The following IQUB variants were observed in gnomAD, a reference collection of about 807,000 sequenced individuals.
IQUB encodes the protein IQ motif and ubiquitin-like domain-containing protein.
In IQUB, 86 loss-of-function variants were observed where a neutral mutation model predicts 86.4. That is an observed-to-expected ratio of 1.00 (90% CI 0.84 to 1.19). The LOEUF is 1.19. Ranked by LOEUF, IQUB falls within the 50% of genes most tolerant of loss-of-function variation. The pLI, the probability that IQUB is intolerant of heterozygous loss-of-function variation, is 0.00. For synonymous variants in IQUB, 289 were observed against 304.5 expected (o/e 0.95, Z 0.53); for missense variants, 946 against 916.9 (o/e 1.03, Z -0.41).
At chr7:123,493,721 A>ATGTC in intron 7 of IQUB, among the ~76,000 whole-genome samples, 1 of 128,410 alleles carries the variant, frequency 7.8e-6, no homozygotes, top group South Asian at 2.5e-4. Context: ...CCTGAGAGAA[A>ATGTC]TGTGTGTGTA....
chr7:123,473,968 G>T (rs1794650418), intron 8 of IQUB, among the ~76,000 whole-genome samples: 1 of 152,038 alleles, frequency 6.6e-6, no homozygotes, highest in Admixed American at 6.6e-5. Context: ...AAAATCTTTA[G>T]AGTTAGCCTT....
intron 9 of IQUB, among the ~76,000 whole-genome samples, chr7:123,468,604 G>T (rs1190376075): frequency 1.3e-5 from 2 of 152,218 alleles, no homozygotes; most frequent in African/African-American, 4.8e-5. Context: ...GGCCTTTCCA[G>T]TTTTAGAATT....
At chr7:123,503,651 C>T (rs1172843715) in intron 3 of IQUB, among the ~76,000 whole-genome samples, 2 of 151,822 alleles carry the variant, frequency 1.3e-5, no homozygotes, top group African/African-American at 2.4e-5. Flanking sequence ...TGGCTAATTA[C>T]ACATTCTCAT....
At chr7:123,484,264 T>C (rs535563129) in intron 7 of IQUB, among the ~76,000 whole-genome samples, 34 of 151,132 alleles carry the variant, frequency 2.2e-4, no homozygotes, top group African/African-American at 7.3e-4. Flanking sequence ...AATTATGTTA[T>C]GAAAGTCTAA....
At chr7:123,519,186 G>A (rs1478459330) in intron 1 of IQUB, among the ~76,000 whole-genome samples, 1 of 152,104 alleles carries the variant, frequency 6.6e-6, no homozygotes, top group Admixed American at 6.6e-5. Flanking sequence ...AAAGAAAGGG[G>A]AATGGTAGTA....
intron 1 of IQUB, among the ~76,000 whole-genome samples, chr7:123,523,608 T>C (rs1797020685): frequency 6.6e-6 from 1 of 151,776 alleles, no homozygotes; most frequent in Non-Finnish European, 1.5e-5. Flanking sequence ...TATTAGCCCT[T>C]TGTCAGATGA....
intron 7 of IQUB, among the ~76,000 whole-genome samples, chr7:123,483,094 G>A (rs527998098): frequency 6.6e-6 from 1 of 151,870 alleles, no homozygotes; most frequent in East Asian, 1.9e-4. Context: ...CTTATTTATT[G>A]TGCCTCTCAC....
intron 3 of IQUB, among the ~76,000 whole-genome samples, chr7:123,507,107 A>C (rs971352633): frequency 6.6e-6 from 1 of 152,226 alleles, no homozygotes; most frequent in Non-Finnish European, 1.5e-5. Flanking sequence ...ACACTGCAAA[A>C]GGTTTACTTA....
At chr7:123,520,941 G>A (rs143599373) in intron 1 of IQUB, among the ~76,000 whole-genome samples, 93 of 152,300 alleles carry the variant, frequency 6.1e-4, no homozygotes, top group African/African-American at 2.1e-3. Context: ...CAGAAGGATA[G>A]AGCTACATTT....
chr7:123,482,273 AAGAC>A (rs891986953), intron 7 of IQUB, among the ~76,000 whole-genome samples: 1 of 152,092 alleles, frequency 6.6e-6, no homozygotes, highest in African/African-American at 2.4e-5. Context: ...GCATTAATCT[AAGAC>A]AGAGCCAAGT....
intron 7 of IQUB, among the ~76,000 whole-genome samples, chr7:123,495,776 T>TTTCA (rs549578497): frequency 5.3e-5 from 8 of 152,096 alleles, no homozygotes; most frequent in South Asian, 4.1e-4. Context: ...GATTTCTTCC[T>TTTCA]TTCATTCATT....
intron 1 of IQUB, among the ~76,000 whole-genome samples, chr7:123,524,313 A>G (rs1251104019): frequency 7.7e-5 from 11 of 142,894 alleles, no homozygotes; most frequent in African/African-American, 2.8e-4. Context: ...CATTTTCACG[A>G]TATTGATTCT....
Position 123,452,839 on chromosome 7 carries a change from T to G in IQUB, c.2280A>C (p.Ser760=). The G allele has an allele frequency of 1.2e-6, 2 of 1,613,602 alleles. No individual in the cohort carries two copies. The highest frequency in any genetic ancestry group is 8.5e-7 in the Non-Finnish European group (1 of 1,179,666). Residue 760 remains serine, a synonymous_variant, in exon 13 of 13, where the codon TCA becomes TCC. Coordinates refer to ENST00000324698, the MANE Select transcript of IQUB (RefSeq NM_178827.5). ...CAATTTCACCATCATCAAGTATAAATGAAGCCAGCACTGGAACCTGAGAAA... is the reference window on the plus strand; with the variant it reads ...CAATTTCACCATCATCAAGTATAAAGGAAGCCAGCACTGGAACCTGAGAAA... ...NYFSQVPVLA[S]FILDDGEIDE...
chr7:123,499,964 C>T (rs1007800929), intron 6 of IQUB, among the ~76,000 whole-genome samples: 71 of 152,274 alleles, frequency 4.7e-4, no homozygotes, highest in Middle Eastern at 3.4e-3. Context: ...ACCAACATGG[C>T]GACAAGAGCG....
At chr7:123,509,182 T>TA (rs1163079917) in intron 3 of IQUB, among the ~76,000 whole-genome samples, 1 of 152,162 alleles carries the variant, frequency 6.6e-6, no homozygotes, top group African/African-American at 2.4e-5. Context: ...ACATATTCTA[T>TA]AAAAACATAT....
chr7:123,493,897 G>A (rs923917572), intron 7 of IQUB, among the ~76,000 whole-genome samples: 1 of 151,582 alleles, frequency 6.6e-6, no homozygotes, highest in Admixed American at 6.6e-5. Context: ...GGGTGGGAAG[G>A]ACCAAATCCA....
intron 8 of IQUB, among the ~76,000 whole-genome samples, chr7:123,470,744 G>A (rs1388672025): frequency 1.3e-5 from 2 of 151,880 alleles, no homozygotes; most frequent in South Asian, 2.1e-4. Flanking sequence ...CCAGCTACTC[G>A]GGAGGCTGAG....
chr7:123,532,937 C>T (rs1349960170), intron 1 of IQUB: 3 of 152,382 alleles, frequency 2.0e-5, no homozygotes, highest in Admixed American at 2.0e-4. Context: ...GGGCGGAGGC[C>T]GGCAGTTGCT....
intron 11 of IQUB, among the ~76,000 whole-genome samples, chr7:123,460,572 TCTATAA>T (rs1793931644): frequency 6.6e-6 from 1 of 151,954 alleles, no homozygotes; most frequent in Non-Finnish European, 1.5e-5. Flanking sequence ...TCAATTGTGC[TCTATAA>T]TATACTTTTA....
Sources: allele counts gnomAD v4.1 joint callset (sites outside exome capture counted in the v4.1 genomes callset), GRCh38; gene constraint gnomAD v4.1.1; transcripts MANE v1.5; gene names NCBI Gene and HGNC (gene_info 2026-07-23, HGNC 2026-07-21).